WDFY3: variants seen among roughly 807,000 people sequenced by gnomAD.
The protein encoded by WDFY3 is WD repeat and FYVE domain-containing protein 3.
Under a neutral mutation model 409.6 loss-of-function variants are expected in WDFY3, and 66 were observed. The ratio of observed to expected loss-of-function variants is 0.16; its 90% CI spans 0.13 to 0.20. The LOEUF (loss-of-function observed/expected upper bound fraction) is 0.20. Among genes scored for constraint, WDFY3 ranks in the 10% least tolerant of loss-of-function variants. The pLI is 1.00. For synonymous variants in WDFY3, 1,521 were observed against 1,537.1 expected, an observed-to-expected ratio of 0.99 and a Z score of 0.25; for missense variants, 3,031 against 4,298.1, an observed-to-expected ratio of 0.71 and a Z score of 8.24.
intron 3 of WDFY3, among the ~76,000 whole-genome samples, chr4:84,866,188 C>T (rs1203738848): frequency 6.6e-6 from 1 of 152,098 alleles, no homozygotes; most frequent in Non-Finnish European, 1.5e-5. Flanking sequence ...CTCCTTTGCT[C>T]CTAATGTACC....
intron 13 of WDFY3, among the ~76,000 whole-genome samples, chr4:84,811,084 A>G (rs994380259): frequency 5.3e-5 from 8 of 151,986 alleles, no homozygotes; most frequent in Non-Finnish European, 1.0e-4. Context: ...TGCAACCTCT[A>G]CCTCCTGGGT....
chr4:84,946,700 C>T (rs1772872685), intron 1 of WDFY3, among the ~76,000 whole-genome samples: 1 of 152,188 alleles, frequency 6.6e-6, no homozygotes, highest in Non-Finnish European at 1.5e-5. Context: ...GGGAATGACC[C>T]CCAGCACCGA....
chr4:84,736,863 GC>G (rs1234424936), intron 41 of WDFY3, among the ~76,000 whole-genome samples: 4 of 152,044 alleles, frequency 2.6e-5, no homozygotes, highest in Admixed American at 2.6e-4. Flanking sequence ...AAAAAACAGA[GC>G]TTTTTGAATT....
intron 2 of WDFY3, among the ~76,000 whole-genome samples, chr4:84,922,686 G>T (rs1769445515): frequency 6.6e-6 from 1 of 151,908 alleles, no homozygotes; most frequent in African/African-American, 2.4e-5. Context: ...TTGAGACAGG[G>T]TCTCGCTCTT....
intron 50 of WDFY3, among the ~76,000 whole-genome samples, chr4:84,715,068 T>C (rs767672897): frequency 1.1e-4 from 16 of 152,162 alleles, no homozygotes; most frequent in Non-Finnish European, 1.6e-4. Context: ...TTTTTGATGA[T>C]CTCTACTATA....
At chr4:84,684,816 T>C (rs1728017051) in intron 62 of WDFY3, among the ~76,000 whole-genome samples, 1 of 152,212 alleles carries the variant, frequency 6.6e-6, no homozygotes. Context: ...TCTTAAATTC[T>C]ACCAGGCTGG....
chr4:84,703,742 C>T (rs540572813), intron 55 of WDFY3, among the ~76,000 whole-genome samples: 44 of 152,308 alleles, frequency 2.9e-4, no homozygotes, highest in Non-Finnish European at 5.1e-4. Flanking sequence ...CTGCATCCCA[C>T]CTTGCCCAAC....
intron 3 of WDFY3, among the ~76,000 whole-genome samples, chr4:84,863,528 G>A (rs576908169): frequency 6.6e-6 from 1 of 152,264 alleles, no homozygotes; most frequent in African/African-American, 2.4e-5. Flanking sequence ...CTTTTATGGA[G>A]AAACATCTAC....
intron 22 of WDFY3, among the ~76,000 whole-genome samples, chr4:84,789,004 A>G (rs1245564134): frequency 2.6e-5 from 4 of 152,196 alleles, no homozygotes; most frequent in African/African-American, 7.2e-5. Context: ...TGGGCGACAG[A>G]GCAAGACACC....
intron 3 of WDFY3, among the ~76,000 whole-genome samples, chr4:84,869,045 C>A (rs896796114): frequency 6.6e-6 from 1 of 152,170 alleles, no homozygotes; most frequent in Non-Finnish European, 1.5e-5. Context: ...CATACGTTTG[C>A]TAACCTGTAG....
intron 5 of WDFY3, among the ~76,000 whole-genome samples, 175 bp from the exon 6 acceptor site, chr4:84,841,438 A>G (rs1757339072): frequency 6.6e-6 from 1 of 152,254 alleles, no homozygotes; most frequent in African/African-American, 2.4e-5. Flanking sequence ...AAACCTTTAT[A>G]TCATTAATAC....
intron 44 of WDFY3, among the ~76,000 whole-genome samples, chr4:84,732,912 C>A (rs1381652559): frequency 6.6e-6 from 1 of 152,150 alleles, no homozygotes; most frequent in African/African-American, 2.4e-5. Flanking sequence ...CAAGCTGCCT[C>A]ACCTTATATG....
At chr4:84,685,586 G>A (rs1169843995) in intron 62 of WDFY3, among the ~76,000 whole-genome samples, 1 of 152,148 alleles carries the variant, frequency 6.6e-6, no homozygotes, top group Non-Finnish European at 1.5e-5. Flanking sequence ...TTACTCTGGG[G>A]CCTTAATTAG....
chr4:84,870,847 T>C (rs1762040209), intron 3 of WDFY3, among the ~76,000 whole-genome samples: 2 of 151,600 alleles, frequency 1.3e-5, no homozygotes, highest in Admixed American at 1.3e-4. Flanking sequence ...TATAAAACAT[T>C]TCCCCTTCCT....
chr4:84,789,592 C>T, intron 22 of WDFY3, 134 bp downstream of exon 22: 1 of 957,564 alleles, frequency 1.0e-6, no homozygotes, highest in South Asian at 2.1e-5. Context: ...TACTGAATAT[C>T]AACTTAAAAT....
intron 21 of WDFY3, among the ~76,000 whole-genome samples, chr4:84,790,242 C>A (rs1282103264): frequency 6.6e-6 from 1 of 151,604 alleles, no homozygotes; most frequent in South Asian, 2.1e-4. Flanking sequence ...TCCAGCTACT[C>A]GGGAGGCTGA....
intron 58 of WDFY3, 110 bp from the exon 59 acceptor site, chr4:84,693,142 G>C: frequency 8.6e-7 from 1 of 1,158,588 alleles, no homozygotes; most frequent in Non-Finnish European, 1.2e-6. Context: ...AGAACTATTA[G>C]GTACTATATT....
chr4:84,906,827 G>A (rs1044555795), intron 2 of WDFY3, among the ~76,000 whole-genome samples: 3 of 141,414 alleles, frequency 2.1e-5, no homozygotes, highest in African/African-American at 8.0e-5. Flanking sequence ...TATTTTATAT[G>A]TGGCCCAAGA....
chr4:84,830,847 A>G (rs1168055838), intron 8 of WDFY3, among the ~76,000 whole-genome samples: 1 of 152,190 alleles, frequency 6.6e-6, no homozygotes, highest in Non-Finnish European at 1.5e-5. Context: ...CTTTCATTAC[A>G]TTATGATTGA....
Sources: gnomAD v4.1 joint callset for allele counts (sites outside exome capture counted in the v4.1 genomes callset) on GRCh38, gnomAD v4.1.1 for gene constraint, MANE v1.5 for transcripts, NCBI Gene and HGNC (gene_info 2026-07-23, HGNC 2026-07-21) for gene names.